Variants in CLDN14 observed in about 807,000 individuals in gnomAD.
CLDN14 encodes claudin-14.
A neutral mutation model predicts 2.1 loss-of-function variants in CLDN14; 2 were observed. That is an observed-to-expected ratio of 0.96 (90% CI 0.39 to 3.01). The LOEUF is 3.01. CLDN14 is among the 30% of genes most tolerant of loss of function. The probability of loss-of-function intolerance (pLI) is 0.09; values close to 1 mark genes in which losing one functional copy is unlikely to be tolerated. For missense variants in CLDN14, 298 were observed against 328.0 expected (o/e 0.91, Z 0.71); for synonymous variants, 136 against 154.4 (o/e 0.88, Z 0.88).
intron 2 of CLDN14, among the ~76,000 whole-genome samples, chr21:36,501,527 A>C (rs972639201): frequency 6.6e-6 from 1 of 151,924 alleles, no homozygotes; most frequent in Admixed American, 6.6e-5. Flanking sequence ...TTTGGGCCTG[A>C]GACTATGAAA....
At chr21:36,513,918 AC>A (rs2087204612) in intron 1 of CLDN14, among the ~76,000 whole-genome samples, 1 of 151,828 alleles carries the variant, frequency 6.6e-6, no homozygotes, top group African/African-American at 2.4e-5. Flanking sequence ...TGCAGCCTTG[AC>A]CTCCCGGGCT....
At chr21:36,475,456 G>A (rs1449679277) in intron 1 of CLDN14, among the ~76,000 whole-genome samples, 1 of 152,228 alleles carries the variant, frequency 6.6e-6, no homozygotes, top group Non-Finnish European at 1.5e-5. Context: ...CAGAGATTCT[G>A]ATTCGCTGAC....
intron 1 of CLDN14, among the ~76,000 whole-genome samples, chr21:36,537,466 T>C (rs2087433299): frequency 6.6e-6 from 1 of 152,200 alleles, no homozygotes; most frequent in Non-Finnish European, 1.5e-5. Context: ...AAAACGTGAA[T>C]ATGAACTGGA....
chr21:36,548,592 C>A (rs953726718), intron 1 of CLDN14, among the ~76,000 whole-genome samples: 2 of 152,152 alleles, frequency 1.3e-5, no homozygotes, highest in Admixed American at 6.5e-5. Flanking sequence ...AGGGTGGAGA[C>A]CAAGTCTGTG....
rs557693364 is a variant in CLDN14, at chr21:36,557,732, C to T, written c.-220+18679G>A. On this transcript the variant is annotated intron_variant, in intron 1 of 2. Transcript: ENST00000342108. Reference sequence around the variant, plus strand: ...TGCAAATATTTCCTCCCATTCTCTACGTTATCTTTTTACTCTGTGGGTTGT... The same window carrying T: ...TGCAAATATTTCCTCCCATTCTCTATGTTATCTTTTTACTCTGTGGGTTGT... 6.6e-5 allele frequency among the ~76,000 whole-genome samples: 10 copies of T among 152,308 alleles called. No homozygotes were observed. In the East Asian group the frequency reaches 9.6e-4, roughly 15 times the overall value.
At chr21:36,485,853 CTTT>C (rs371184847) in intron 2 of CLDN14, 1,169 of 418,736 alleles carry the variant, frequency 2.8e-3, no homozygotes, top group South Asian at 4.3e-3. Context: ...GTTCCATTTC[CTTT>C]TTTTTTTTTT....
At chr21:36,574,890 A>G (rs1006829919) in intron 1 of CLDN14, among the ~76,000 whole-genome samples, 1 of 152,100 alleles carries the variant, frequency 6.6e-6, no homozygotes, top group Non-Finnish European at 1.5e-5. Flanking sequence ...CCTTAAAGCT[A>G]TCAAACCAGT....
chr21:36,489,834 G>A (rs2086943249), intron 2 of CLDN14, among the ~76,000 whole-genome samples: 3 of 152,148 alleles, frequency 2.0e-5, no homozygotes, highest in Non-Finnish European at 2.9e-5. Context: ...CCTCACCTGG[G>A]CCTCCCATCC....
Position 36,553,038 on chromosome 21 carries a change from C to T in CLDN14, c.-220+23373G>A, listed in dbSNP as rs151117175. Among the ~76,000 whole-genome samples the T allele has an allele frequency of 3.8e-3, 574 of 152,314 alleles. 6 individuals are homozygous for T. Among genetic ancestry groups the T allele is most frequent in the African/African-American group, 0.013 (552 of 41,556 alleles). Reference sequence around the variant, plus strand: ...CACCTAGGGCCCAGCTGACGCACACCAAATCCCTTGGCCTTGGGCCTCAAC... The same window carrying T: ...CACCTAGGGCCCAGCTGACGCACACTAAATCCCTTGGCCTTGGGCCTCAAC... On this transcript the variant is annotated intron_variant, in intron 1 of 2. Coordinates refer to the CLDN14 transcript ENST00000342108.
chr21:36,557,310 CAT>C (rs141867001), intron 1 of CLDN14, among the ~76,000 whole-genome samples: 10,739 of 152,160 alleles, frequency 0.071, 523 homozygotes, highest in Non-Finnish European at 0.11. Flanking sequence ...ATAATATTCA[CAT>C]GTGGGATTGC....
At chr21:36,568,070 G>A (rs575164991) in intron 1 of CLDN14, among the ~76,000 whole-genome samples, 57 of 152,258 alleles carry the variant, frequency 3.7e-4, no homozygotes, top group South Asian at 1.7e-3. Flanking sequence ...GAAGCGCTCT[G>A]GGATGAGAGG....
intron 1 of CLDN14, among the ~76,000 whole-genome samples, chr21:36,520,668 G>A (rs1029125379): frequency 5.9e-5 from 9 of 152,108 alleles, no homozygotes; most frequent in African/African-American, 1.2e-4. Context: ...TATCAGCAGC[G>A]TGAAAATGGA....
Position 36,480,052 on chromosome 21 carries a change from C to T in CLDN14, c.-639G>A, listed in dbSNP as rs2086828669. The T allele has an allele frequency of 6.6e-6, 1 of 152,512 alleles. No homozygotes were observed. Among genetic ancestry groups the T allele is most frequent in the Admixed American group, 6.5e-5 (1 of 15,290 alleles). 9.4% of individuals were successfully genotyped at this position (152,512 alleles called of 1,614,324 possible). A position where few individuals can be genotyped will look rare whatever the true frequency, so the allele number is the denominator to read the frequency against. The stretch of plus-strand genomic sequence containing the variant: ...TCCCTCCTGCGCCCTGACCACCTGC[C>T]CACAGCGACTGTGTCCTCCTCTGAG... On this transcript the variant is annotated 5_prime_UTR_variant, in exon 1 of 2. Coordinates refer to ENST00000399135, the MANE Select transcript of CLDN14 (RefSeq NM_001146079.2).
At chr21:36,568,808 TAAC>T (rs1270806604) in intron 1 of CLDN14, among the ~76,000 whole-genome samples, 2 of 152,230 alleles carry the variant, frequency 1.3e-5, no homozygotes, top group East Asian at 3.8e-4. Flanking sequence ...TTCATTCCTT[TAAC>T]AGTTCAGACT....
intron 1 of CLDN14, among the ~76,000 whole-genome samples, chr21:36,569,003 T>G (rs2087691034): frequency 6.6e-6 from 1 of 152,238 alleles, no homozygotes; most frequent in Admixed American, 6.5e-5. Flanking sequence ...GTTACATGAG[T>G]GTGGTAAAGC....
At chr21:36,473,828 C>A (rs759659713) in intron 1 of CLDN14, among the ~76,000 whole-genome samples, 1 of 152,156 alleles carries the variant, frequency 6.6e-6, no homozygotes, top group African/African-American at 2.4e-5. Context: ...TAGGAATGGG[C>A]GATAGTGAAC....
At position 36,498,068 on chromosome 21, in the gene CLDN14, T is replaced by C. The variant is rs967342951; in HGVS notation, c.-82+12295A>G. 1.3e-5 allele frequency among the ~76,000 whole-genome samples: 2 copies of C among 151,988 alleles called. No individual in the cohort carries two copies. The highest frequency in any genetic ancestry group is 3.9e-4 in the East Asian group (2 of 5,178). On this transcript the variant is annotated intron_variant, in intron 2 of 2. Coordinates refer to the CLDN14 transcript ENST00000342108. The surrounding 1 kb of genome is among the most constrained non-coding windows in gnomAD (Gnocchi z 4.9). Reference sequence around the variant, plus strand: ...AGGCTGGAGTGCAGTGGTGCAATCTTGGCTCACTGCAACCTCCACCGCCCG... The same window carrying C: ...AGGCTGGAGTGCAGTGGTGCAATCTCGGCTCACTGCAACCTCCACCGCCCG...
chr21:36,511,578 G>A (rs1300482581), intron 1 of CLDN14, among the ~76,000 whole-genome samples: 3 of 151,952 alleles, frequency 2.0e-5, no homozygotes, highest in Non-Finnish European at 4.4e-5. Context: ...ATCATTCTAG[G>A]TTTCCTGTCT....
chr21:36,552,721 C>A, intron 1 of CLDN14, among the ~76,000 whole-genome samples: 1 of 74,146 alleles, frequency 1.3e-5, no homozygotes, highest in Non-Finnish European at 4.1e-5. Flanking sequence ...AAAAATCTTC[C>A]TGAATTGGAA....
Sources: allele counts gnomAD v4.1 joint callset (sites outside exome capture counted in the v4.1 genomes callset), GRCh38; gene constraint gnomAD v4.1.1; non-coding constraint Gnocchi (gnomAD v3.1); transcripts MANE v1.5; gene names NCBI Gene and HGNC (gene_info 2026-07-23, HGNC 2026-07-21).